NREP: variants seen among roughly 807,000 people sequenced by gnomAD.
NREP encodes neuronal regeneration-related protein.
In NREP, 5 loss-of-function variants were observed where a neutral mutation model predicts 8.6. That is an observed-to-expected ratio of 0.58 (90% CI 0.30 to 1.22). The LOEUF (loss-of-function observed/expected upper bound fraction) is 1.22, where lower values mean the gene tolerates loss of function less well. Among genes scored for constraint, NREP ranks in the 50% most tolerant of loss-of-function variants. The pLI is 0.07. For missense variants in NREP, 86 were observed against 82.5 expected (o/e 1.04, Z -0.17); for synonymous variants, 27 against 28.0 (o/e 0.96, Z 0.11).
chr5:111,758,080 G>T, upstream of NREP: 1 of 985,506 alleles, frequency 1.0e-6, no homozygotes, highest in Non-Finnish European at 1.2e-6. Context: ...CAAAGAGTCC[G>T]CGAAGGATGC....
At chr5:111,896,896 T>C (rs1754524560) in intron 2 of NREP, among the ~76,000 whole-genome samples, 2 of 152,182 alleles carry the variant, frequency 1.3e-5, no homozygotes, top group Admixed American at 1.3e-4. Flanking sequence ...TATGATTTAT[T>C]ATCCTTAGTC....
At chr5:111,888,810 G>A (rs879643235) in intron 2 of NREP, among the ~76,000 whole-genome samples, 2 of 152,162 alleles carry the variant, frequency 1.3e-5, no homozygotes, top group Non-Finnish European at 2.9e-5. Flanking sequence ...TCAAATGCTG[G>A]ATTAAACCCT....
In NREP at chr5:111,916,788, G is replaced by A. The variant is rs372100676; in HGVS notation, c.135+58486C>T. Among the ~76,000 whole-genome samples the A allele has an allele frequency of 2.5e-4, 38 of 152,236 alleles. No homozygotes were observed. The South Asian group carries it at 7.7e-3, about 31-fold the overall frequency. On this transcript the variant is annotated intron_variant, in intron 2 of 3. Transcript: ENST00000395634. ...AAGTGCTTAGAATCAACTGTTAGGG[G>A]TTGTGACAAATATCTGAATTACTGG...
chr5:111,919,348 T>C (rs1453057003), intron 2 of NREP, among the ~76,000 whole-genome samples: 6 of 152,090 alleles, frequency 3.9e-5, no homozygotes, highest in African/African-American at 1.2e-4. Flanking sequence ...AGAAATACCA[T>C]TTGACCCAGT....
intron 3 of NREP, chr5:111,733,839 CG>C (rs1748848608): frequency 6.6e-6 from 1 of 152,070 alleles, no homozygotes. Flanking sequence ...TCAGCCCTCC[CG>C]ACAGATGACT....
intron 2 of NREP, among the ~76,000 whole-genome samples, chr5:111,925,321 G>A (rs936160701): frequency 6.6e-5 from 10 of 152,098 alleles, no homozygotes; most frequent in Non-Finnish European, 1.3e-4. Context: ...CCACAGGCTG[G>A]ACAGGGTCGA....
intron 2 of NREP, among the ~76,000 whole-genome samples, chr5:111,888,757 A>G (rs1208763355): frequency 6.6e-6 from 1 of 152,178 alleles, no homozygotes; most frequent in East Asian, 1.9e-4. Flanking sequence ...CTTTGCCCCA[A>G]GCAAACATAA....
chr5:111,789,827 T>C (rs993064929), intron 2 of NREP, among the ~76,000 whole-genome samples: 4 of 151,892 alleles, frequency 2.6e-5, no homozygotes, highest in African/African-American at 7.3e-5. Flanking sequence ...AGAGAAAAAA[T>C]AGGCAAATAA....
At chr5:111,903,086 T>C (rs1754687591) in intron 2 of NREP, among the ~76,000 whole-genome samples, 1 of 146,758 alleles carries the variant, frequency 6.8e-6, no homozygotes, top group African/African-American at 2.5e-5. Context: ...TTTTCTCTTT[T>C]TTTTTTTTTT....
chr5:111,940,499 C>T (rs1021052299), intron 2 of NREP, among the ~76,000 whole-genome samples: 4 of 152,036 alleles, frequency 2.6e-5, no homozygotes, highest in African/African-American at 4.8e-5. Flanking sequence ...ATTCAGTAGA[C>T]ACATATCTCC....
At chr5:111,946,320 A>G (rs1235472236) in intron 2 of NREP, among the ~76,000 whole-genome samples, 1 of 152,032 alleles carries the variant, frequency 6.6e-6, no homozygotes, top group East Asian at 1.9e-4. Flanking sequence ...AGTACTGCCA[A>G]CATCACAAAT....
chr5:111,815,542 G>C (rs762226570), intron 2 of NREP, among the ~76,000 whole-genome samples: 2 of 151,466 alleles, frequency 1.3e-5, no homozygotes, highest in Non-Finnish European at 2.9e-5. Flanking sequence ...TAAAAAGATA[G>C]AATTTTTCAC....
At chr5:111,817,244 C>T (rs1416162613) in intron 2 of NREP, among the ~76,000 whole-genome samples, 1 of 152,162 alleles carries the variant, frequency 6.6e-6, no homozygotes, top group African/African-American at 2.4e-5. Context: ...CTTATTCCTT[C>T]ACAACTCTTT....
chr5:111,903,119 T>C (rs1381283275), intron 2 of NREP, among the ~76,000 whole-genome samples: 1 of 147,476 alleles, frequency 6.8e-6, no homozygotes. Flanking sequence ...AGTCTCACTC[T>C]GTAACCCAGG....
intron 2 of NREP, among the ~76,000 whole-genome samples, chr5:111,930,511 C>G (rs987069476): frequency 2.6e-5 from 4 of 152,118 alleles, no homozygotes; most frequent in African/African-American, 9.7e-5. Flanking sequence ...TCAAGAGCTG[C>G]TAAAGGGCTC....
intron 2 of NREP, among the ~76,000 whole-genome samples, chr5:111,914,661 T>G (rs1285348623): frequency 6.6e-6 from 1 of 152,118 alleles, no homozygotes; most frequent in African/African-American, 2.4e-5. Context: ...GAGTGTACCC[T>G]TTCTGCAGAA....
chr5:111,779,927 G>C (rs1452684741), intron 2 of NREP, among the ~76,000 whole-genome samples: 1 of 152,156 alleles, frequency 6.6e-6, no homozygotes, highest in Non-Finnish European at 1.5e-5. Flanking sequence ...CAGAAGTTCT[G>C]TTCTTAGGCA....
intron 2 of NREP, among the ~76,000 whole-genome samples, chr5:111,893,592 T>C (rs918453967): frequency 8.6e-5 from 13 of 151,200 alleles, no homozygotes; most frequent in Non-Finnish European, 1.9e-4. Context: ...AAAAGTTGCA[T>C]GAAAAATACA....
At chr5:111,913,131 C>T (rs1328864514) in intron 2 of NREP, among the ~76,000 whole-genome samples, 1 of 151,856 alleles carries the variant, frequency 6.6e-6, no homozygotes, top group Non-Finnish European at 1.5e-5. Context: ...TGTTAGTATC[C>T]ATTTTTTACA....
Sources: gnomAD v4.1 joint callset for allele counts (sites outside exome capture counted in the v4.1 genomes callset) on GRCh38, gnomAD v4.1.1 for gene constraint, MANE v1.5 for transcripts, NCBI Gene and HGNC (gene_info 2026-07-23, HGNC 2026-07-21) for gene names.